KCNN2: variants seen among roughly 807,000 people sequenced by gnomAD.
The protein encoded by KCNN2 is potassium calcium-activated channel subfamily N member 2, also known as small conductance calcium-activated potassium channel protein 2.
A neutral mutation model predicts 55.5 loss-of-function variants in KCNN2; 24 were observed. The observed-to-expected ratio is 0.43, with a 90% CI of 0.31 to 0.61. The LOEUF is 0.61. Among genes scored for constraint, KCNN2 ranks in the 20% least tolerant of loss-of-function variants. The pLI is 0.08. For missense variants in KCNN2, 754 were observed against 853.6 expected (o/e 0.88, Z 1.45); for synonymous variants, 431 against 336.1 (o/e 1.28, Z -3.09).
At chr5:114,474,085 G>C (rs1417107750) in intron 5 of KCNN2, among the ~76,000 whole-genome samples, 1 of 152,042 alleles carries the variant, frequency 6.6e-6, no homozygotes, top group Non-Finnish European at 1.5e-5. Context: ...TGTCAACTTG[G>C]TAACTTTACC....
At chr5:114,240,458 T>G (rs1754595346) in intron 2 of KCNN2, among the ~76,000 whole-genome samples, 1 of 147,926 alleles carries the variant, frequency 6.8e-6, no homozygotes. Context: ...TGAGACAAAG[T>G]CTCACTCTTT....
chr5:114,361,142 G>A (rs982333970), upstream of KCNN2: 20 of 152,230 alleles, frequency 1.3e-4, no homozygotes, highest in African/African-American at 4.8e-4. Flanking sequence ...TTCTGGAGAA[G>A]GCGCAAATGT....
At chr5:114,076,229 C>T (rs541839610) in intron 1 of KCNN2, among the ~76,000 whole-genome samples, 1 of 152,348 alleles carries the variant, frequency 6.6e-6, no homozygotes, top group South Asian at 2.1e-4. Flanking sequence ...AATTCCTGTG[C>T]TAATGGCATC....
chr5:114,460,378 G>T (rs977441485), intron 3 of KCNN2, among the ~76,000 whole-genome samples: 19 of 152,038 alleles, frequency 1.2e-4, no homozygotes, highest in African/African-American at 4.3e-4. Flanking sequence ...AAGTAGGTGG[G>T]ACTATCGGCT....
At chr5:114,273,245 A>G (rs1755404214) in intron 2 of KCNN2, among the ~76,000 whole-genome samples, 1 of 152,186 alleles carries the variant, frequency 6.6e-6, no homozygotes, top group South Asian at 2.1e-4. Context: ...CATGGTATAT[A>G]TGTGCCACAT....
chr5:114,441,272 G>T (rs1269343755), intron 3 of KCNN2, among the ~76,000 whole-genome samples: 1 of 152,130 alleles, frequency 6.6e-6, no homozygotes, highest in Non-Finnish European at 1.5e-5. Flanking sequence ...TATTTAATGA[G>T]TCATGCAGAT....
chr5:114,437,788 C>CA (rs1307214259), intron 3 of KCNN2, among the ~76,000 whole-genome samples: 3 of 152,114 alleles, frequency 2.0e-5, no homozygotes, highest in Non-Finnish European at 4.4e-5. Flanking sequence ...GGGAAGAGGA[C>CA]ATTGAGAAGC....
chr5:114,255,759 T>C (rs1014379975), intron 2 of KCNN2, among the ~76,000 whole-genome samples: 1 of 152,152 alleles, frequency 6.6e-6, no homozygotes, highest in South Asian at 2.1e-4. Flanking sequence ...CTGGAGGATT[T>C]GTAGGGCATG....
At chr5:114,427,413 T>A (rs923118679) in intron 3 of KCNN2, among the ~76,000 whole-genome samples, 1 of 152,174 alleles carries the variant, frequency 6.6e-6, no homozygotes, top group African/African-American at 2.4e-5. Context: ...GACAATCCCA[T>A]AGGTGGAGCT....
intron 1 of KCNN2, among the ~76,000 whole-genome samples, chr5:114,132,837 A>C (rs1752098294): frequency 6.6e-6 from 1 of 152,200 alleles, no homozygotes; most frequent in Non-Finnish European, 1.5e-5. Context: ...AAACTAGTAC[A>C]TTTTGCATCA....
In KCNN2 at chr5:114,231,450, T is replaced by C. The variant is rs925659156; in HGVS notation, c.-185+9885T>C. Among the ~76,000 whole-genome samples the C allele has an allele frequency of 1.3e-5, 2 of 148,858 alleles. 1 individual carries two copies. Among genetic ancestry groups the C allele is most frequent in the African/African-American group, 5.1e-5 (2 of 38,864 alleles). Reference sequence around the variant, plus strand: ...GTTTAAGTCTTTAATCCATCTTGAATTGATTTTTGTATAAGGTGTAAGGAA... The same window carrying C: ...GTTTAAGTCTTTAATCCATCTTGAACTGATTTTTGTATAAGGTGTAAGGAA... On this transcript the variant is annotated intron_variant, in intron 2 of 10. Coordinates refer to the KCNN2 transcript ENST00000512097.
chr5:114,164,636 G>T (rs1193106127), intron 1 of KCNN2, among the ~76,000 whole-genome samples: 1 of 152,080 alleles, frequency 6.6e-6, no homozygotes, highest in Admixed American at 6.6e-5. Flanking sequence ...GGAAGGGCCA[G>T]AATGTGTCCA....
At chr5:114,284,570 T>A (rs1755696799) in intron 2 of KCNN2, among the ~76,000 whole-genome samples, 1 of 152,166 alleles carries the variant, frequency 6.6e-6, no homozygotes, top group African/African-American at 2.4e-5. Flanking sequence ...CAGGCTGGAG[T>A]GCAGTGGCAC....
At chr5:114,409,314 G>T (rs1273664969) in intron 3 of KCNN2, among the ~76,000 whole-genome samples, 1 of 151,530 alleles carries the variant, frequency 6.6e-6, no homozygotes, top group Non-Finnish European at 1.5e-5. Flanking sequence ...CCAGATTGTG[G>T]TTTGTAAGAT....
intron 3 of KCNN2, among the ~76,000 whole-genome samples, chr5:114,454,186 A>G (rs983438763): frequency 6.6e-6 from 1 of 152,038 alleles, no homozygotes; most frequent in African/African-American, 2.4e-5. Flanking sequence ...TAAAGTTTTT[A>G]TTTAGCCTTT....
In KCNN2 at chr5:114,352,748, G is replaced by A. The variant is rs371194611; in HGVS notation, c.-184-8197G>A. 2.0e-5 allele frequency among the ~76,000 whole-genome samples: 3 copies of A among 151,962 alleles called. No individual in the cohort carries two copies. In the East Asian group the frequency reaches 5.8e-4, roughly 29 times the overall value. On this transcript the variant is annotated intron_variant, in intron 2 of 10. Coordinates refer to the KCNN2 transcript ENST00000512097. ...AATTTCCCAAAATTTTAAAGAATTT[G>A]TATAAATATACGAGGTACAAGTGCA...
chr5:114,199,408 A>G (rs1194659485), intron 1 of KCNN2, among the ~76,000 whole-genome samples: 1 of 152,038 alleles, frequency 6.6e-6, no homozygotes, highest in Non-Finnish European at 1.5e-5. Flanking sequence ...CATTTAATCC[A>G]TTTACCTTCA....
At chr5:114,192,337 A>G (rs1753467074) in intron 1 of KCNN2, among the ~76,000 whole-genome samples, 1 of 152,174 alleles carries the variant, frequency 6.6e-6, no homozygotes, top group Non-Finnish European at 1.5e-5. Flanking sequence ...AATCACAGTG[A>G]CTTAGAGTTT....
At chr5:114,441,463 AT>A (rs1760211499) in intron 3 of KCNN2, among the ~76,000 whole-genome samples, 1 of 152,198 alleles carries the variant, frequency 6.6e-6, no homozygotes, top group African/African-American at 2.4e-5. Context: ...TAGAATTAGC[AT>A]CAATGTGTAA....
Sources: allele counts gnomAD v4.1 joint callset (sites outside exome capture counted in the v4.1 genomes callset), GRCh38; gene constraint gnomAD v4.1.1; transcripts MANE v1.5; gene names NCBI Gene and HGNC (gene_info 2026-07-23, HGNC 2026-07-21).